Variants in MAF observed in about 807,000 individuals in gnomAD.
MAF encodes MAF bZIP transcription factor.
Under a neutral mutation model 22.0 loss-of-function variants are expected in MAF, and 10 were observed. The ratio of observed to expected loss-of-function variants is 0.45; its 90% CI spans 0.28 to 0.77. The LOEUF (loss-of-function observed/expected upper bound fraction) is 0.77, where lower values mean the gene tolerates loss of function less well. MAF is among the 30% of genes least tolerant of loss of function. MAF has a pLI of 0.12. For synonymous variants in MAF, 337 were observed against 255.8 expected, an observed-to-expected ratio of 1.32 and a Z score of -3.03; for missense variants, 544 against 548.4, an observed-to-expected ratio of 0.99 and a Z score of 0.08.
At chr16:79,216,650 G>A in the MAF span, among the ~76,000 whole-genome samples, 1 of 152,046 alleles carries the variant, frequency 6.6e-6, no homozygotes, top group Non-Finnish European at 1.5e-5. Flanking sequence ...ATGCTATGAT[G>A]TTCAATACAT....
At chr16:79,497,046 AC>A in the MAF span, among the ~76,000 whole-genome samples, 1 of 152,180 alleles carries the variant, frequency 6.6e-6, no homozygotes, top group African/African-American at 2.4e-5. Context: ...AATAATAAAA[AC>A]ATCTTTTCTC....
At chr16:79,524,212 A>G in the MAF span, among the ~76,000 whole-genome samples, 1 of 152,186 alleles carries the variant, frequency 6.6e-6, no homozygotes, top group African/African-American at 2.4e-5. Flanking sequence ...GGAGGCCTGG[A>G]AAGAGATCTA....
the MAF span, among the ~76,000 whole-genome samples, chr16:79,397,957 G>A: frequency 2.0e-5 from 3 of 152,286 alleles, no homozygotes; most frequent in East Asian, 3.9e-4. Context: ...TACCATGAAG[G>A]TAGTCACTAA....
chr16:79,390,649 G>C, the MAF span, among the ~76,000 whole-genome samples: 1 of 152,188 alleles, frequency 6.6e-6, no homozygotes, highest in Non-Finnish European at 1.5e-5. Flanking sequence ...CTCTGGATTA[G>C]AGATTTCTGA....
the MAF span, among the ~76,000 whole-genome samples, chr16:79,438,783 A>G: frequency 6.6e-6 from 1 of 152,190 alleles, no homozygotes; most frequent in Non-Finnish European, 1.5e-5. Context: ...AAGAAGCGCT[A>G]GGAAGAAATA....
the MAF span, among the ~76,000 whole-genome samples, chr16:79,463,006 G>A: frequency 2.0e-5 from 3 of 152,138 alleles, no homozygotes; most frequent in African/African-American, 7.2e-5. Context: ...GCTCAGAGAA[G>A]GCCCACTCTA....
At chr16:79,556,902 G>C in the MAF span, among the ~76,000 whole-genome samples, 1 of 151,866 alleles carries the variant, frequency 6.6e-6, no homozygotes, top group Non-Finnish European at 1.5e-5. Flanking sequence ...TGAGAAATGT[G>C]ATCAATAAGT....
chr16:79,340,083 C>G, the MAF span, among the ~76,000 whole-genome samples: 3 of 152,106 alleles, frequency 2.0e-5, no homozygotes, highest in African/African-American at 7.2e-5. Flanking sequence ...TCCAATTAAC[C>G]AAATTACTAC....
At chr16:79,314,371 A>G in the MAF span, among the ~76,000 whole-genome samples, 5 of 152,094 alleles carry the variant, frequency 3.3e-5, no homozygotes, top group Non-Finnish European at 7.4e-5. Flanking sequence ...GCCAGGTTAA[A>G]TGGCTGAAAC....
At chr16:79,230,091 T>G in the MAF span, among the ~76,000 whole-genome samples, 9 of 152,168 alleles carry the variant, frequency 5.9e-5, no homozygotes, top group Admixed American at 2.6e-4. Context: ...ACTGATCTTG[T>G]AAACAGGTTG....
the MAF span, among the ~76,000 whole-genome samples, chr16:79,552,272 T>C: frequency 6.6e-6 from 1 of 152,066 alleles, no homozygotes; most frequent in Admixed American, 6.6e-5. Context: ...GGAGTGCAGT[T>C]CAGCAACCAT....
the MAF span, among the ~76,000 whole-genome samples, chr16:79,224,163 C>T: frequency 2.2e-3 from 332 of 152,256 alleles, no homozygotes; most frequent in South Asian, 5.0e-3. Context: ...TTATGCACCA[C>T]GATCGAGTCA....
the MAF span, among the ~76,000 whole-genome samples, chr16:79,215,932 C>G: frequency 6.6e-6 from 1 of 152,172 alleles, no homozygotes; most frequent in African/African-American, 2.4e-5. Flanking sequence ...CCATTTCTCC[C>G]TGAACCCACT....
chr16:79,531,284 C>G, the MAF span, among the ~76,000 whole-genome samples: 1 of 152,080 alleles, frequency 6.6e-6, no homozygotes, highest in Non-Finnish European at 1.5e-5. Context: ...TCCTCTGCAT[C>G]TCATCTCTCT....
At chr16:79,458,324 G>C in the MAF span, among the ~76,000 whole-genome samples, 31 of 152,084 alleles carry the variant, frequency 2.0e-4, no homozygotes, top group East Asian at 3.5e-3. Context: ...GCATGGTTGG[G>C]GACAAGGACA....
the MAF span, among the ~76,000 whole-genome samples, chr16:79,211,248 T>C: frequency 0.68 from 103,658 of 151,928 alleles, 36,216 homozygotes; most frequent in African/African-American, 0.75. Context: ...ATGGAGAAGT[T>C]GAGGGGTTGG....
the MAF span, among the ~76,000 whole-genome samples, chr16:79,372,923 C>A: frequency 1.3e-5 from 2 of 152,192 alleles, no homozygotes; most frequent in Non-Finnish European, 2.9e-5. Flanking sequence ...ATTCTTTCCT[C>A]CCCTCTTAAT....
At chr16:79,522,294 A>G in the MAF span, among the ~76,000 whole-genome samples, 25 of 152,300 alleles carry the variant, frequency 1.6e-4, no homozygotes, top group African/African-American at 5.8e-4. Flanking sequence ...CTCTTTTTAC[A>G]TGAGTCTTCC....
At chr16:79,422,432 A>G in the MAF span, among the ~76,000 whole-genome samples, 3 of 152,190 alleles carry the variant, frequency 2.0e-5, no homozygotes, top group African/African-American at 7.2e-5. Flanking sequence ...GGGACCCCAG[A>G]GTCTTGGGTT....
Sources: allele counts gnomAD v4.1 joint callset (sites outside exome capture counted in the v4.1 genomes callset), GRCh38; gene constraint gnomAD v4.1.1; transcripts MANE v1.5; gene names NCBI Gene and HGNC (gene_info 2026-07-23, HGNC 2026-07-21).